Variants in KCNH7 observed in about 807,000 individuals in gnomAD.
KCNH7 encodes voltage-gated inwardly rectifying potassium channel KCNH7.
A neutral mutation model predicts 120.8 loss-of-function variants in KCNH7; 49 were observed. That is an observed-to-expected ratio of 0.41 (90% CI 0.32 to 0.51). The LOEUF (loss-of-function observed/expected upper bound fraction) is 0.51, where lower values mean the gene tolerates loss of function less well. KCNH7 is among the 20% of genes least tolerant of loss of function. The probability of loss-of-function intolerance (pLI) is 0.38; values close to 1 mark genes in which losing one functional copy is unlikely to be tolerated. For synonymous variants in KCNH7, 547 were observed against 516.1 expected (o/e 1.06, Z -0.81); for missense variants, 1,097 against 1,446.6 (o/e 0.76, Z 3.92).
At chr2:162,768,618 T>C (rs2105466786) in intron 2 of KCNH7, among the ~76,000 whole-genome samples, 1 of 152,272 alleles carries the variant, frequency 6.6e-6, no homozygotes, top group East Asian at 1.9e-4. Context: ...CAGTAGGATT[T>C]TTTTAAAGGA....
rs141047657 is a variant in KCNH7 at position 162,529,764 on chromosome 2, T to C, written c.463+7161A>G. ...ATTGGCTCCTTTAAATGTGGCCCCT[T>C]ATGCTTGGTAGGGAATGCACAATTT... On this transcript the variant is annotated intron_variant, in intron 3 of 15. Transcript: ENST00000332142. Among the ~76,000 whole-genome samples, 723 of 151,954 alleles carry C rather than the reference T, an allele frequency of 4.8e-3. 2 individuals carry two copies. Among genetic ancestry groups the C allele is most frequent in the Middle Eastern group, 0.02 (6 of 294 alleles).
rs1459501036 is a variant in KCNH7, at chr2:162,524,135, A to G, written c.464-5977T>C. Among the ~76,000 whole-genome samples the G allele has an allele frequency of 5.3e-5, 8 of 152,114 alleles. No homozygotes were observed. The East Asian group carries it at 1.4e-3, about 26-fold the overall frequency. ...AAAGGCTTATTGAGGGAGTACTCTC[A>G]TGGGTTATGGCTATTAAAAAGACAG... is the stretch of plus-strand genomic sequence containing the variant. On this transcript the variant is annotated intron_variant, in intron 3 of 15. Transcript: ENST00000332142.
At chr2:162,651,010 T>G (rs1388467348) in intron 2 of KCNH7, among the ~76,000 whole-genome samples, 1 of 152,196 alleles carries the variant, frequency 6.6e-6, no homozygotes, top group East Asian at 1.9e-4. Flanking sequence ...CTTATTGTCT[T>G]GAAAAATGCA....
intron 8 of KCNH7, among the ~76,000 whole-genome samples, chr2:162,429,155 G>A (rs936197095): frequency 1.3e-5 from 2 of 151,576 alleles, no homozygotes; most frequent in Admixed American, 1.3e-4. Context: ...TTTATAACAT[G>A]CATTTTAAAT....
intron 2 of KCNH7, among the ~76,000 whole-genome samples, chr2:162,728,928 A>G (rs1687622496): frequency 6.6e-6 from 1 of 152,176 alleles, no homozygotes; most frequent in African/African-American, 2.4e-5. Flanking sequence ...TTATAGTTTT[A>G]CCTGTCATAC....
chr2:162,535,694 A>G (rs899356451), intron 3 of KCNH7, among the ~76,000 whole-genome samples: 1 of 151,844 alleles, frequency 6.6e-6, no homozygotes, highest in Admixed American at 6.6e-5. Flanking sequence ...ATTTGCTTCT[A>G]AAGTTCACAT....
chr2:162,638,117 A>T (rs1684026074), intron 2 of KCNH7, among the ~76,000 whole-genome samples: 1 of 152,070 alleles, frequency 6.6e-6, no homozygotes, highest in Non-Finnish European at 1.5e-5. Flanking sequence ...TGATAGTTGC[A>T]ACGTGATCTG....
intron 6 of KCNH7, among the ~76,000 whole-genome samples, chr2:162,480,550 G>T (rs766655044): frequency 3.3e-5 from 5 of 152,132 alleles, no homozygotes; most frequent in Non-Finnish European, 7.4e-5. Flanking sequence ...CATTCAAGAT[G>T]CAAATATATC....
chr2:162,646,150 C>A (rs907246523), intron 2 of KCNH7, among the ~76,000 whole-genome samples: 1 of 152,082 alleles, frequency 6.6e-6, no homozygotes, highest in African/African-American at 2.4e-5. Flanking sequence ...TTCCAATAAG[C>A]GATTTATATT....
intron 2 of KCNH7, among the ~76,000 whole-genome samples, chr2:162,651,017 T>C (rs769964989): frequency 1.3e-5 from 2 of 152,088 alleles, no homozygotes; most frequent in Non-Finnish European, 2.9e-5. Flanking sequence ...TCTTGAAAAA[T>C]GCATGCTTTC....
At position 162,509,976 on chromosome 2, in the gene KCNH7, G is replaced by A. The variant is rs117223817; in HGVS notation, c.913+2678C>T. Reference sequence around the variant, plus strand: ...TTATTTACGAAGTAGAGAAAGTGAGGTAGATTTTTACTGATGACTTGTAAA... The same window carrying A: ...TTATTTACGAAGTAGAGAAAGTGAGATAGATTTTTACTGATGACTTGTAAA... On this transcript the variant is annotated intron_variant, in intron 5 of 15. Transcript: ENST00000332142. Among the ~76,000 whole-genome samples the A allele has an allele frequency of 9.9e-5, 15 of 151,616 alleles. No homozygotes were observed. The East Asian group carries it at 2.7e-3, about 28-fold the overall frequency.
At chr2:162,488,097 C>G (rs1414633360) in intron 6 of KCNH7, among the ~76,000 whole-genome samples, 1 of 152,230 alleles carries the variant, frequency 6.6e-6, no homozygotes, top group Admixed American at 6.5e-5. Flanking sequence ...CTGGGTCTGA[C>G]TTTTATCTCA....
chr2:162,702,415 C>G (rs1686542699), intron 2 of KCNH7, among the ~76,000 whole-genome samples: 1 of 152,092 alleles, frequency 6.6e-6, no homozygotes, highest in Admixed American at 6.6e-5. Context: ...AAGGTAGAGA[C>G]TACTGGTTCT....
intron 2 of KCNH7, among the ~76,000 whole-genome samples, chr2:162,753,657 T>C (rs1248781087): frequency 1.3e-5 from 2 of 152,144 alleles, no homozygotes; most frequent in Admixed American, 6.5e-5. Flanking sequence ...AATTCTGTAA[T>C]CTCTCGGTTG....
intron 2 of KCNH7, among the ~76,000 whole-genome samples, chr2:162,687,521 G>C (rs778113615): frequency 1.3e-5 from 2 of 152,038 alleles, no homozygotes; most frequent in Non-Finnish European, 2.9e-5. Flanking sequence ...TTATTTAACA[G>C]GAAATATGGC....
At chr2:162,692,705 G>A (rs1574273417) in intron 2 of KCNH7, among the ~76,000 whole-genome samples, 1 of 152,116 alleles carries the variant, frequency 6.6e-6, no homozygotes, top group East Asian at 1.9e-4. Flanking sequence ...GATAAGGGTT[G>A]AGAAAAGTTC....
intron 2 of KCNH7, among the ~76,000 whole-genome samples, chr2:162,675,076 T>C (rs1219407821): frequency 6.6e-6 from 1 of 151,364 alleles, no homozygotes; most frequent in Non-Finnish European, 1.5e-5. Context: ...AAGACTACAA[T>C]AAACAGCCTA....
intron 6 of KCNH7, among the ~76,000 whole-genome samples, chr2:162,462,609 A>AG (rs1689183138): frequency 6.6e-6 from 1 of 152,068 alleles, no homozygotes; most frequent in Non-Finnish European, 1.5e-5. Context: ...AAAGCAATAC[A>AG]GGTGGCACTA....
chr2:162,713,301 A>G (rs1686992949), intron 2 of KCNH7, among the ~76,000 whole-genome samples: 1 of 152,200 alleles, frequency 6.6e-6, no homozygotes, highest in Non-Finnish European at 1.5e-5. Context: ...TGAGACAAAG[A>G]AGTGTTAAGA....
Sources: allele counts gnomAD v4.1 joint callset (sites outside exome capture counted in the v4.1 genomes callset), GRCh38; gene constraint gnomAD v4.1.1; transcripts MANE v1.5; gene names NCBI Gene and HGNC (gene_info 2026-07-23, HGNC 2026-07-21).